The following NUP88 variants were observed in gnomAD, a reference collection of about 807,000 sequenced individuals.
The protein encoded by NUP88 is nucleoporin 88, also known as nuclear pore complex protein Nup88.
In NUP88, 57 loss-of-function variants were observed where a neutral mutation model predicts 93.9. That is an observed-to-expected ratio of 0.61 (90% CI 0.49 to 0.76). The LOEUF is 0.76. NUP88 is among the 30% of genes least tolerant of loss of function. The pLI is 0.00. For missense variants in NUP88, 911 were observed against 901.0 expected (o/e 1.01, Z -0.14); for synonymous variants, 346 against 336.8 (o/e 1.03, Z -0.30).
At chr17:5,405,832 C>T (rs539397584) in intron 5 of NUP88, among the ~76,000 whole-genome samples, 4 of 152,180 alleles carry the variant, frequency 2.6e-5, no homozygotes, top group South Asian at 2.1e-4. Context: ...AATTTTCTAA[C>T]GTCCTTTTCT....
intron 8 of NUP88, 47 bp downstream of exon 8, chr17:5,399,505 T>C: frequency 1.0e-6 from 1 of 958,884 alleles, no homozygotes; most frequent in South Asian, 1.4e-5. Flanking sequence ...ATTAAATCTA[T>C]TTTTCCTCTG....
In NUP88 at chr17:5,385,760, GGT is replaced by G. The variant is rs1176211501; in HGVS notation, c.*444_*445del. On this transcript the variant is annotated 3_prime_UTR_variant, in exon 17 of 17. Transcript: ENST00000573584. Reference sequence around the variant, plus strand: ...GTAACCATTTGTTAACTGTACTGAAGGTGTGTCCTCAAGAAGAAAGTGTTCAA... The same window carrying G: ...GTAACCATTTGTTAACTGTACTGAAGGTGTCCTCAAGAAGAAAGTGTTCAA... 1 of 233,226 alleles carries G rather than the reference GGT, an allele frequency of 4.3e-6. No individual in the cohort carries two copies. The highest frequency in any genetic ancestry group is 8.4e-6 in the Non-Finnish European group (1 of 118,496). 14.4% of individuals were successfully genotyped at this position (233,226 alleles called of 1,614,324 possible). A position where few individuals can be genotyped will look rare whatever the true frequency, so the allele number is the denominator to read the frequency against.
intron 9 of NUP88, among the ~76,000 whole-genome samples, chr17:5,392,957 T>G (rs899345183): frequency 6.7e-6 from 1 of 149,856 alleles, no homozygotes; most frequent in African/African-American, 2.4e-5. Context: ...AGTGGCTAAT[T>G]TTTTTTTTTG....
intron 1 of NUP88, chr17:5,418,107 G>GC (rs2151650963): frequency 6.7e-6 from 1 of 148,408 alleles, no homozygotes; most frequent in African/African-American, 2.5e-5. Context: ...TGGCGCCATT[G>GC]CACTCCAGCC....
Position 5,399,716 on chromosome 17 carries a change from T to G in NUP88, c.1193-66A>C, listed in dbSNP as rs537482674. The G allele has an allele frequency of 1.7e-5, 14 of 809,856 alleles. No individual in the cohort carries two copies. In the East Asian group the frequency reaches 1.9e-4, roughly 11 times the overall value. The allele number at this position is 809,856 out of a possible 1,614,324, so 50.2% of individuals were successfully genotyped here. ...ATAACTAAAAAAATTTACCTCAAATTTGTTGGCTACTCCACATTAGCCTAC... is the reference window on the plus strand; with the variant it reads ...ATAACTAAAAAAATTTACCTCAAATGTGTTGGCTACTCCACATTAGCCTAC... On this transcript the variant is annotated intron_variant, in intron 7 of 16. Coordinates refer to ENST00000573584, the MANE Select transcript of NUP88 (RefSeq NM_002532.6).
At chr17:5,396,028 T>C (rs376650958) in intron 8 of NUP88, among the ~76,000 whole-genome samples, 239 of 152,052 alleles carry the variant, frequency 1.6e-3, no homozygotes, top group African/African-American at 5.4e-3. Flanking sequence ...CTGGCCAACA[T>C]AGCGAGACGC....
At position 5,387,000 on chromosome 17, in the gene NUP88, C is replaced by T. The variant is rs1912035665; in HGVS notation, c.2027G>A (p.Gly676Asp). ...TATTCCTACCTGTTTGATGGCATTG[C>T]CCAAATGTCGAAGTTGATCAGGTAT... is the stretch of plus-strand genomic sequence containing the variant. ...QLIPDQLRHL[G>D]NAIKQVTMKK... The change falls in exon 15 of 17, where the codon GGC becomes GAC. Residue 676 changes from glycine (G) to aspartate (D), a missense_variant. Coordinates refer to ENST00000573584, the MANE Select transcript of NUP88 (RefSeq NM_002532.6). 1 of 1,613,876 alleles carries T rather than the reference C, an allele frequency of 6.2e-7. No homozygotes were observed. The highest frequency in any genetic ancestry group is 1.3e-5 in the African/African-American group (1 of 74,898).
intron 1 of NUP88, 38 bp from the exon 2 acceptor site, chr17:5,416,720 T>C: frequency 1.3e-6 from 2 of 1,527,470 alleles, no homozygotes; most frequent in South Asian, 1.2e-5. Flanking sequence ...TAGTTAATTT[T>C]AATTTAAATA....
chr17:5,391,375 T>G (rs568130148), intron 10 of NUP88, 186 bp downstream of exon 10: 6 of 547,216 alleles, frequency 1.1e-5, no homozygotes, highest in South Asian at 4.8e-5. Context: ...CCAGAAACTA[T>G]ACCTACAATG....
intron 3 of NUP88, among the ~76,000 whole-genome samples, chr17:5,412,482 A>G (rs977900811): frequency 4.6e-5 from 7 of 152,176 alleles, no homozygotes; most frequent in Admixed American, 1.3e-4. Flanking sequence ...TACTATCTAC[A>G]GTTTCAGGCA....
intron 7 of NUP88, 80 bp from the exon 8 acceptor site, chr17:5,399,730 A>G: frequency 9.2e-6 from 6 of 651,660 alleles, no homozygotes; most frequent in Non-Finnish European, 1.6e-5. Context: ...TGGCTACTCC[A>G]CATTAGCCTA....
chr17:5,392,633 C>A (rs72837878), intron 9 of NUP88, among the ~76,000 whole-genome samples: 18,964 of 152,198 alleles, frequency 0.12, 1,371 homozygotes, highest in East Asian at 0.23. Context: ...TCCCATGCGA[C>A]CTTCCCTGGT....
At chr17:5,402,244 T>C (rs1011075771) in intron 7 of NUP88, among the ~76,000 whole-genome samples, 1 of 151,382 alleles carries the variant, frequency 6.6e-6, no homozygotes, top group Non-Finnish European at 1.5e-5. Flanking sequence ...GGGGCGGAGG[T>C]TGAAGTGAGC....
In NUP88 at chr17:5,387,402, CTT is replaced by C. The variant is rs761547705; in HGVS notation, c.1898_1899del (p.Gln633ArgfsTer17). ...ADKYEEAKEK[Q>X]EDIMNRMKKL... ...CCCACTGACCTGTTCATGATATCCT[CTT>C]GTTTTTCTTTAGCTTCCTCATATTT... is the stretch of plus-strand genomic sequence containing the variant. On this transcript the variant is annotated frameshift_variant, in exon 14 of 17. Coordinates refer to ENST00000573584, the MANE Select transcript of NUP88 (RefSeq NM_002532.6). LOFTEE classifies it high-confidence loss of function. The C allele has an allele frequency of 1.0e-4, 168 of 1,614,048 alleles. No homozygotes were observed. Among genetic ancestry groups the C allele is most frequent in the Non-Finnish European group, 1.3e-4 (159 of 1,179,878 alleles).
chr17:5,414,815 G>T (rs1247607569), intron 2 of NUP88, among the ~76,000 whole-genome samples: 1 of 151,318 alleles, frequency 6.6e-6, no homozygotes, highest in Non-Finnish European at 1.5e-5. Flanking sequence ...TACCCGTGAG[G>T]CTGAGGCAGA....
chr17:5,396,493 T>A (rs1454223673), intron 8 of NUP88, among the ~76,000 whole-genome samples: 1 of 152,236 alleles, frequency 6.6e-6, no homozygotes, highest in African/African-American at 2.4e-5. Context: ...TGAATAATAC[T>A]CTGTTGTATA....
At chr17:5,389,220 C>T (rs1436255052) in intron 10 of NUP88, among the ~76,000 whole-genome samples, 5 of 152,202 alleles carry the variant, frequency 3.3e-5, no homozygotes, top group African/African-American at 9.7e-5. Flanking sequence ...AGCACAAACA[C>T]CTAGCATGGA....
intron 3 of NUP88, among the ~76,000 whole-genome samples, chr17:5,412,922 G>C (rs187495331): frequency 6.6e-6 from 1 of 152,074 alleles, no homozygotes; most frequent in South Asian, 2.1e-4. Flanking sequence ...CAGGAAGAGT[G>C]AAAGAGCAGA....
chr17:5,396,429 T>C (rs1444042642), intron 8 of NUP88, among the ~76,000 whole-genome samples: 1 of 152,238 alleles, frequency 6.6e-6, no homozygotes, highest in African/African-American at 2.4e-5. Context: ...TTAGCATCTG[T>C]TCACAGTTCA....
Sources: allele counts gnomAD v4.1 joint callset (sites outside exome capture counted in the v4.1 genomes callset), GRCh38; gene constraint gnomAD v4.1.1; transcripts MANE v1.5; gene names NCBI Gene and HGNC (gene_info 2026-07-23, HGNC 2026-07-21).